PDE11A: variants seen among roughly 807,000 people sequenced by gnomAD.
PDE11A encodes the protein dual 3',5'-cyclic-AMP and -GMP phosphodiesterase 11A.
A neutral mutation model predicts 100.5 loss-of-function variants in PDE11A; 100 were observed. The ratio of observed to expected loss-of-function variants is 1.00; its 90% CI spans 0.85 to 1.18. The LOEUF (loss-of-function observed/expected upper bound fraction) is 1.18. Among genes scored for constraint, PDE11A ranks in the 50% most tolerant of loss-of-function variants. The pLI is 0.00. For synonymous variants in PDE11A, 381 were observed against 420.8 expected, an observed-to-expected ratio of 0.91 and a Z score of 1.16; for missense variants, 1,141 against 1,152.6, an observed-to-expected ratio of 0.99 and a Z score of 0.15.
intron 19 of PDE11A, among the ~76,000 whole-genome samples, chr2:177,638,697 C>T (rs767838754): frequency 2.0e-5 from 3 of 151,948 alleles, no homozygotes; most frequent in East Asian, 1.9e-4. Flanking sequence ...TTTTCAGCTG[C>T]GCAAGCTGGG....
chr2:177,718,333 TCTTA>T (rs1247388141), intron 12 of PDE11A, among the ~76,000 whole-genome samples: 8 of 152,208 alleles, frequency 5.3e-5, no homozygotes, highest in Admixed American at 6.5e-5. Context: ...CAGTCTGTGT[TCTTA>T]CTTACTGTGC....
At chr2:177,746,453 A>G (rs1312174739) in intron 10 of PDE11A, among the ~76,000 whole-genome samples, 2 of 152,222 alleles carry the variant, frequency 1.3e-5, no homozygotes, top group Non-Finnish European at 2.9e-5. Context: ...ATTTCCCTAA[A>G]CCAAGGAAAG....
In PDE11A at chr2:177,634,640, C is replaced by T. The variant is rs1188328802; in HGVS notation, c.2647-5078G>A. 3.9e-5 allele frequency among the ~76,000 whole-genome samples: 6 copies of T among 152,130 alleles called. No individual in the cohort carries two copies. The East Asian group carries it at 1.2e-3, about 30-fold the overall frequency. On this transcript the variant is annotated intron_variant, in intron 19 of 19. Transcript: ENST00000286063. ...CCTGACCTCGTGATCCCCCCGCCTC[C>T]GCCTCCCAAAGTGCTGGGATTACAG...
At chr2:177,728,308 T>A in intron 10 of PDE11A, 136 bp from the exon 11 acceptor site, 1 of 583,900 alleles carries the variant, frequency 1.7e-6, no homozygotes, top group South Asian at 1.5e-5. Context: ...ACAGCTAAAC[T>A]CTGAGCTGTA....
chr2:177,720,836 T>C (rs1024370308), intron 12 of PDE11A, among the ~76,000 whole-genome samples: 1 of 152,110 alleles, frequency 6.6e-6, no homozygotes, highest in African/African-American at 2.4e-5. Context: ...AACCTTACAG[T>C]CTATATATAA....
At chr2:177,909,691 C>G (rs1170372274) in intron 2 of PDE11A, among the ~76,000 whole-genome samples, 2 of 152,148 alleles carry the variant, frequency 1.3e-5, no homozygotes, top group East Asian at 3.9e-4. Context: ...CCTCCTCATT[C>G]CTTCCAACAC....
chr2:178,059,506 T>C (rs146503265), intron 1 of PDE11A, among the ~76,000 whole-genome samples: 4 of 152,280 alleles, frequency 2.6e-5, no homozygotes, highest in African/African-American at 9.6e-5. Context: ...GAAGGGGAGA[T>C]TGACTTCCCT....
In PDE11A at chr2:177,817,846, T is replaced by G. The variant is rs1306232966; in HGVS notation, c.1644+12A>C. The stretch of plus-strand genomic sequence containing the variant: ...TGATGACTCCACTTGGTTTATAAAT[T>G]TATTTTCTTACCTCAAAAAGTCGTT... On this transcript the variant is annotated intron_variant, in intron 8 of 19. Transcript: ENST00000286063. 1.5e-6 allele frequency: 2 copies of G among 1,362,772 alleles called. No individual in the cohort carries two copies. The highest frequency in any genetic ancestry group is 2.9e-5 in the African/African-American group (2 of 67,856). The allele number at this position is 1,362,772 out of a possible 1,614,324, so 84.4% of individuals were successfully genotyped here.
chr2:177,906,113 G>C (rs1465929330), intron 2 of PDE11A, among the ~76,000 whole-genome samples: 2 of 152,146 alleles, frequency 1.3e-5, no homozygotes, highest in African/African-American at 2.4e-5. Flanking sequence ...TCTAAAGCAA[G>C]AGGGAAAAAA....
chr2:178,023,408 C>T (rs2086438608), intron 1 of PDE11A, among the ~76,000 whole-genome samples: 1 of 152,140 alleles, frequency 6.6e-6, no homozygotes, highest in Admixed American at 6.5e-5. Flanking sequence ...CTGGAGGCTC[C>T]CTAAGGCAAG....
At chr2:177,878,003 TA>T (rs11304532) in intron 4 of PDE11A, among the ~76,000 whole-genome samples, 64,932 of 151,790 alleles carry the variant, frequency 0.43, 15,031 homozygotes, top group African/African-American at 0.61. Flanking sequence ...ATTAAATATT[TA>T]AAAAAGCTTT....
At chr2:177,752,298 A>G (rs1287476787) in intron 10 of PDE11A, among the ~76,000 whole-genome samples, 2 of 152,182 alleles carry the variant, frequency 1.3e-5, no homozygotes, top group Non-Finnish European at 2.9e-5. Context: ...TTCTTCTTTC[A>G]TTACTCAAAA....
chr2:178,104,386 T>C (rs765949101), exon 2 of PDE11A: 2 of 1,614,078 alleles, frequency 1.2e-6, no homozygotes, highest in Admixed American at 1.7e-5. Flanking sequence ...TTTGGACCAG[T>C]CTTGTGATTT....
chr2:177,634,829 G>T (rs1489021608), intron 19 of PDE11A, among the ~76,000 whole-genome samples: 1 of 152,226 alleles, frequency 6.6e-6, no homozygotes, highest in Non-Finnish European at 1.5e-5. Flanking sequence ...TGAGTCATCA[G>T]CAAGAGAATT....
chr2:177,631,322 A>AAAAAAAAAAAAAAAAAAAAAAAAAAC lies in PDE11A; in HGVS notation c.2647-1761_2647-1760insGTTTTTTTTTTTTTTTTTTTTTTTTT, dbSNP rs1469522170. Reference sequence around the variant, plus strand: ...AAAAAAAAAAAAAACAAAAAAAAAAACAACCTAGGCGTGGTGGCACATGCC... The same window carrying AAAAAAAAAAAAAAAAAAAAAAAAAAC: ...AAAAAAAAAAAAAACAAAAAAAAAAAAAAAAAAAAAAAAAAAAAAAAAAAACCAACCTAGGCGTGGTGGCACATGCC... On this transcript the variant is annotated intron_variant, in intron 19 of 19. Transcript: ENST00000286063. Among the ~76,000 whole-genome samples, 6 of 16,852 alleles carry AAAAAAAAAAAAAAAAAAAAAAAAAAC rather than the reference A, an allele frequency of 3.6e-4. 1 individual carries two copies. Among genetic ancestry groups the AAAAAAAAAAAAAAAAAAAAAAAAAAC allele is most frequent in the African/African-American group, 5.5e-4 (6 of 10,814 alleles). The allele number at this position is 16,852 out of a possible 152,430, so 11.1% of individuals were successfully genotyped here.
At chr2:178,000,222 G>GAAGA (rs3067365) in intron 2 of PDE11A, among the ~76,000 whole-genome samples, 100,059 of 151,586 alleles carry the variant, frequency 0.66, 34,895 homozygotes, top group South Asian at 0.78. Context: ...ATTCAGAAAA[G>GAAGA]AAGGGAAAAA....
At chr2:178,107,104 G>T (rs2087628697) in intron 1 of PDE11A, among the ~76,000 whole-genome samples, 1 of 151,750 alleles carries the variant, frequency 6.6e-6, no homozygotes, top group Admixed American at 6.6e-5. Flanking sequence ...TTAAAGTCAC[G>T]TGTAACATAT....
At chr2:177,761,256 G>T (rs1364926796) in intron 10 of PDE11A, among the ~76,000 whole-genome samples, 1 of 152,114 alleles carries the variant, frequency 6.6e-6, no homozygotes, top group Non-Finnish European at 1.5e-5. Flanking sequence ...ATAGTTTAGG[G>T]TGCACAGGAC....
chr2:177,655,623 C>T (rs979838388), intron 19 of PDE11A, among the ~76,000 whole-genome samples: 2 of 152,052 alleles, frequency 1.3e-5, no homozygotes, highest in Non-Finnish European at 2.9e-5. Context: ...ACTTCAGCCT[C>T]GAACTCCTGG....
Sources: gnomAD v4.1 joint callset for allele counts (sites outside exome capture counted in the v4.1 genomes callset) on GRCh38, gnomAD v4.1.1 for gene constraint, MANE v1.5 for transcripts, NCBI Gene and HGNC (gene_info 2026-07-23, HGNC 2026-07-21) for gene names.